GIGYF1: variants seen among roughly 807,000 people sequenced by gnomAD.
GIGYF1 encodes GRB10 interacting GYF protein 1.
A neutral mutation model predicts 147.1 loss-of-function variants in GIGYF1; 84 were observed. The ratio of observed to expected loss-of-function variants is 0.57; its 90% CI spans 0.48 to 0.68. The LOEUF (loss-of-function observed/expected upper bound fraction) is 0.68, where lower values mean the gene tolerates loss of function less well. Among genes scored for constraint, GIGYF1 ranks in the 30% least tolerant of loss-of-function variants. The pLI, the probability that GIGYF1 is intolerant of heterozygous loss-of-function variation, is 0.00. For synonymous variants in GIGYF1, 752 were observed against 589.5 expected, an observed-to-expected ratio of 1.28 and a Z score of -3.99; for missense variants, 1,485 against 1,393.7, an observed-to-expected ratio of 1.07 and a Z score of -1.04.
In GIGYF1 at chr7:100,684,510, C is replaced by T. The variant is rs562090128; in HGVS notation, c.1569G>A (p.Glu523=). 4.2e-5 allele frequency: 68 copies of T among 1,613,948 alleles called. No individual in the cohort carries two copies. Among genetic ancestry groups the T allele is most frequent in the Non-Finnish European group, 5.3e-5 (63 of 1,180,030 alleles). The change falls in exon 16 of 27, where the codon GAG becomes GAA. Residue 523 remains glutamate, a synonymous_variant. Transcript: ENST00000678049. The part of the protein sequence containing the change: ...GCDEGFQPLG[E]VIKMWGRVPF... ...GCACGCGGCCCCACATCTTGATCAC[C>T]TCGCCCAGCGGCTGGAAGCCCTCAT...
In GIGYF1 at chr7:100,685,961, C is replaced by T. The variant is rs1439532487; in HGVS notation, c.1054+13G>A. On this transcript the variant is annotated intron_variant, in intron 12 of 26. Coordinates refer to ENST00000678049, the MANE Select transcript of GIGYF1 (RefSeq NM_001375765.1). ...GGCCCAGCCCCAGGCCCGCTGGGCA[C>T]CCCGCGGCTCACCTGCCTCAGGCCC... is the stretch of plus-strand genomic sequence containing the variant. 2 of 1,609,250 alleles carry T rather than the reference C, an allele frequency of 1.2e-6. No homozygotes were observed. Among genetic ancestry groups the T allele is most frequent in the Non-Finnish European group, 1.7e-6 (2 of 1,178,186 alleles).
chr7:100,682,263 C>A (rs771825686), intron 24 of GIGYF1, 28 bp from the exon 25 acceptor site: 5 of 1,607,892 alleles, frequency 3.1e-6, no homozygotes, highest in Admixed American at 3.3e-5. Flanking sequence ...GCTGTCAGGG[C>A]CCCCTGGCCG....
In GIGYF1 at chr7:100,686,391, C is replaced by G; in HGVS notation, c.737G>C (p.Arg246Pro). ...CAAATCAAATTCAAACTTGCGCCGC[C>G]GTTCCCCATGTTCCCGCCAGCCAGC... ...RSAGWREHGE[R>P]RRKFEFDLRG... is the part of the protein sequence containing the mutation. The change falls in exon 11 of 27, where the codon CGG becomes CCG. Residue 246 changes from arginine to proline, a missense_variant. Transcript: ENST00000678049. 6.2e-7 allele frequency: 1 copy of G among 1,611,064 alleles called. No individual in the cohort carries two copies. Among genetic ancestry groups the G allele is most frequent in the Non-Finnish European group, 8.5e-7 (1 of 1,178,468 alleles).
At chr7:100,693,297 G>T (rs374404796) in intron 1 of GIGYF1, among the ~76,000 whole-genome samples, 3 of 150,576 alleles carry the variant, frequency 2.0e-5, no homozygotes, top group Admixed American at 6.6e-5. Context: ...AAATTTTTTT[G>T]TTTTTTTTTT....
Position 100,684,110 on chromosome 7 carries a change from TC to T in GIGYF1, c.1777del (p.Asp593ThrfsTer2). On this transcript the variant is annotated frameshift_variant, in exon 18 of 27. Transcript: ENST00000678049. LOFTEE classifies it high-confidence loss of function. ...CALREKAALG[D>X]LTPPPPPPPQ... ...CGGCGGCGGTGGTGGCGGTGTCAGGTCCCCCAGAGCTGCCTTTTCTCGGAGC... is the reference window on the plus strand; with the variant it reads ...CGGCGGCGGTGGTGGCGGTGTCAGGTCCCCAGAGCTGCCTTTTCTCGGAGC... The T allele has an allele frequency of 6.2e-7, 1 of 1,606,874 alleles. No individual in the cohort carries two copies.
At chr7:100,684,361 G>T in intron 16 of GIGYF1, 24 bp from the exon 17 acceptor site, 9 of 1,595,138 alleles carry the variant, frequency 5.6e-6, no homozygotes, top group Non-Finnish European at 6.8e-6. Context: ...AGCTCGGCCA[G>T]TGCCCCCAGC....
In GIGYF1 at chr7:100,680,370, C is replaced by G. The variant is rs1254900375; in HGVS notation, c.*1349G>C. 1 of 152,324 alleles carries G rather than the reference C, an allele frequency of 6.6e-6. No individual in the cohort carries two copies. Among genetic ancestry groups the G allele is most frequent in the Non-Finnish European group, 1.5e-5 (1 of 68,036 alleles). 9.4% of individuals were successfully genotyped at this position (152,324 alleles called of 1,614,324 possible). On this transcript the variant is annotated 3_prime_UTR_variant, in exon 27 of 27. Transcript: ENST00000678049. ...CAATGGGAGGAGCTGGATGAGAAACCCAAAAGACAAAACTGTTACAAAACC... is the reference window on the plus strand; with the variant it reads ...CAATGGGAGGAGCTGGATGAGAAACGCAAAAGACAAAACTGTTACAAAACC...
In GIGYF1 at chr7:100,683,169, G is replaced by A; in HGVS notation, c.2255C>T (p.Pro752Leu). 3 of 1,604,368 alleles carry A rather than the reference G, an allele frequency of 1.9e-6. No homozygotes were observed. Among genetic ancestry groups the A allele is most frequent in the South Asian group, 1.1e-5 (1 of 90,892 alleles). ...GAGTGGGGGCGGGGAGCTGGGTGCGGGGGGCACAGGGACCGCCTGCTGCTG... is the reference window on the plus strand; with the variant it reads ...GAGTGGGGGCGGGGAGCTGGGTGCGAGGGGCACAGGGACCGCCTGCTGCTG... ...LQQQQAVPVP[P>L]APSSPPPLWA... Residue 752 changes from proline (P) to leucine (L), a missense_variant, in exon 22 of 27, where the codon CCC becomes CTC. Pro to Leu is a moderately conservative substitution (Grantham distance 98, BLOSUM62 -3). Transcript: ENST00000678049.
At chr7:100,682,894 C>T in intron 22 of GIGYF1, 117 bp from the exon 23 acceptor site, 1 of 1,277,814 alleles carries the variant, frequency 7.8e-7, no homozygotes, top group Non-Finnish European at 1.1e-6. Flanking sequence ...AGAGCTGTTG[C>T]CATCACAGGA....
At chr7:100,686,557 C>G in intron 10 of GIGYF1, 92 bp downstream of exon 10, 1 of 1,528,430 alleles carries the variant, frequency 6.5e-7, no homozygotes, top group Non-Finnish European at 8.8e-7. Flanking sequence ...CAGCCAGCCT[C>G]TGCTCCCTCC....
rs1805484318 is a variant in GIGYF1, at chr7:100,687,519, C to T, written c.359G>A (p.Ser120Asn). The T allele has an allele frequency of 3.1e-6, 5 of 1,611,810 alleles. No homozygotes were observed. Among genetic ancestry groups the T allele is most frequent in the Non-Finnish European group, 3.4e-6 (4 of 1,179,326 alleles). Residue 120 changes from serine (S) to asparagine (N), a missense_variant, in exon 7 of 27, where the codon AGC (serine) becomes AAC (asparagine). Physicochemically the swap from Ser to Asn is conservative, Grantham distance 46. Transcript: ENST00000678049. ...CACCCCTCTACCTCGGCTCCGCGTG[C>T]TGCCCCTGCCTCGGGAGGTGCCAGC... Reference protein sequence around the residue: ...PLAGTSRGRGSTRSRGRGRGD... With the variant: ...PLAGTSRGRGNTRSRGRGRGD...
rs370602282 is a variant in GIGYF1 at position 100,685,310 on chromosome 7, C to A, written c.1192+34G>T. The A allele has an allele frequency of 1.9e-6, 3 of 1,558,584 alleles. No homozygotes were observed. In the Admixed American group the frequency reaches 6.1e-5, roughly 32 times the overall value. ...GGAGCACTTTCTCCCACAGCCCCAGCGCACCCGGGAGGTAGGCCATCCTCC... is the reference window on the plus strand; with the variant it reads ...GGAGCACTTTCTCCCACAGCCCCAGAGCACCCGGGAGGTAGGCCATCCTCC... On this transcript the variant is annotated intron_variant, in intron 13 of 26. Coordinates refer to ENST00000678049, the MANE Select transcript of GIGYF1 (RefSeq NM_001375765.1).
chr7:100,692,386 A>G (rs558734543), intron 1 of GIGYF1, among the ~76,000 whole-genome samples: 10 of 152,324 alleles, frequency 6.6e-5, no homozygotes, highest in South Asian at 6.2e-4. Flanking sequence ...CAGGGAAAAG[A>G]AGGAGGAAGC....
In GIGYF1 at chr7:100,688,727, G is replaced by A; in HGVS notation, c.-270C>T. 1 of 328,960 alleles carries A rather than the reference G, an allele frequency of 3.0e-6. No individual in the cohort carries two copies. The highest frequency in any genetic ancestry group is 6.1e-6 in the Non-Finnish European group (1 of 164,008). The allele number at this position is 328,960 out of a possible 1,614,324, so 20.4% of individuals were successfully genotyped here. On this transcript the variant is annotated 5_prime_UTR_variant, in exon 2 of 27. Coordinates refer to ENST00000678049, the MANE Select transcript of GIGYF1 (RefSeq NM_001375765.1). ...CACATCTGGGAAAGACCCTTAAGGA[G>A]AGCAGGGGGGAGGAGGGAGGGTTCA...
intron 12 of GIGYF1, 37 bp from the exon 13 acceptor site, chr7:100,685,518 G>A: frequency 6.3e-7 from 1 of 1,584,092 alleles, no homozygotes; most frequent in South Asian, 1.2e-5. Flanking sequence ...AGAACCAAGG[G>A]CTGGGCCTGC....
chr7:100,684,577 G>T lies in GIGYF1; in HGVS notation c.1502C>A (p.Ala501Asp). Reference protein sequence around the residue: ...TTQEMAEWFQAGYFSMSLLVK... With the variant: ...TTQEMAEWFQDGYFSMSLLVK... ...CAGCAGTGACATGGAAAAGTAGCCG[G>T]CCTGGAACCACTCTGCCATCTCCTG... Residue 501 changes from alanine (A) to aspartate (D), a missense_variant, in exon 16 of 27, where the codon GCC (alanine) becomes GAC (aspartate). Ala to Asp is a moderately radical substitution (Grantham distance 126, BLOSUM62 -2). Transcript: ENST00000678049. 1 of 1,614,184 alleles carries T rather than the reference G, an allele frequency of 6.2e-7. No homozygotes were observed. Among genetic ancestry groups the T allele is most frequent in the Non-Finnish European group, 8.5e-7 (1 of 1,180,032 alleles).
chr7:100,691,398 G>A (rs1024349968), intron 1 of GIGYF1, among the ~76,000 whole-genome samples: 2 of 152,202 alleles, frequency 1.3e-5, no homozygotes, highest in African/African-American at 2.4e-5. Flanking sequence ...GTGTGTGCAC[G>A]CTGGGTCATT....
chr7:100,684,614 G>T lies in GIGYF1; in HGVS notation c.1465C>A (p.Pro489Thr). The T allele has an allele frequency of 1.2e-6, 2 of 1,614,140 alleles. No individual in the cohort carries two copies. Among genetic ancestry groups the T allele is most frequent in the Non-Finnish European group, 1.7e-6 (2 of 1,180,032 alleles). ...TCTGCCATCTCCTGTGTCGTGAAGG[G>T]GCCTGGACAGGGAGCGAGGGAGCGG... is the stretch of plus-strand genomic sequence containing the variant. The part of the protein sequence containing the change: ...YKDPQGEIQG[P>T]FTTQEMAEWF... The change falls in exon 16 of 27, where the codon CCC (proline) becomes ACC (threonine). Residue 489 changes from proline to threonine, a missense_variant and splice_region_variant. Pro to Thr is a conservative substitution (Grantham distance 38). Transcript: ENST00000678049.
chr7:100,687,438 T>C (rs1805474513), intron 7 of GIGYF1, 32 bp from the exon 8 acceptor site: 1 of 1,609,506 alleles, frequency 6.2e-7, no homozygotes, highest in African/African-American at 1.3e-5. Flanking sequence ...CAATGAAACC[T>C]GCTGCACGTT....
Sources: allele counts gnomAD v4.1 joint callset (sites outside exome capture counted in the v4.1 genomes callset), GRCh38; gene constraint gnomAD v4.1.1; transcripts MANE v1.5; gene names NCBI Gene and HGNC (gene_info 2026-07-23, HGNC 2026-07-21).